RSRC1: variants seen among roughly 807,000 people sequenced by gnomAD.
RSRC1 encodes the protein serine/Arginine-related protein 53.
RSRC1 carries 39 observed loss-of-function variants against 49.1 expected under a neutral mutation model. That is an observed-to-expected ratio of 0.79 (90% CI 0.61 to 1.04). The LOEUF is 1.04. Ranked by LOEUF, RSRC1 falls within the 50% of genes least tolerant of loss-of-function variation. RSRC1 has a pLI of 0.00. For missense variants in RSRC1, 388 were observed against 402.4 expected (o/e 0.96, Z 0.31); for synonymous variants, 143 against 130.8 (o/e 1.09, Z -0.63).
intron 4 of RSRC1, among the ~76,000 whole-genome samples, chr3:158,287,795 A>G (rs1449607717): frequency 6.6e-6 from 1 of 152,192 alleles, no homozygotes; most frequent in Non-Finnish European, 1.5e-5. Context: ...GACATATTGA[A>G]GCTATTATCT....
intron 4 of RSRC1, among the ~76,000 whole-genome samples, chr3:158,211,638 G>C (rs994819015): frequency 3.3e-5 from 5 of 151,990 alleles, no homozygotes; most frequent in Admixed American, 2.0e-4. Context: ...AATATACCCG[G>C]TAGTCTTTTT....
At chr3:158,369,566 A>G (rs934198164) in intron 6 of RSRC1, among the ~76,000 whole-genome samples, 11 of 152,148 alleles carry the variant, frequency 7.2e-5, no homozygotes, top group Admixed American at 7.2e-4. Flanking sequence ...TTCTTTCATA[A>G]TAACATTTTT....
chr3:158,501,032 T>C (rs553526175), intron 7 of RSRC1, among the ~76,000 whole-genome samples: 2 of 152,288 alleles, frequency 1.3e-5, no homozygotes, highest in African/African-American at 4.8e-5. Flanking sequence ...GCCTTTGCTG[T>C]AGCCCAGAGG....
At chr3:158,257,850 T>G (rs1219325058) in intron 4 of RSRC1, among the ~76,000 whole-genome samples, 1 of 152,148 alleles carries the variant, frequency 6.6e-6, no homozygotes. Flanking sequence ...ATAATATAAC[T>G]CATTATTTTA....
chr3:158,217,522 A>G (rs1407169985), intron 4 of RSRC1, among the ~76,000 whole-genome samples: 4 of 151,648 alleles, frequency 2.6e-5, no homozygotes, highest in Non-Finnish European at 5.9e-5. Context: ...ATTCTAAATT[A>G]TGATGTTAGG....
Position 158,234,911 on chromosome 3 carries a change from C to CT in RSRC1, c.494+31671dup, listed in dbSNP as rs949685645. ...ATTCAGTCTCTGTAGACATTGAATA[C>CT]TTTTTAATGAAACCTCTGTTATAGA... On this transcript the variant is annotated intron_variant, in intron 4 of 9. Coordinates refer to ENST00000611884, the MANE Select transcript of RSRC1 (RefSeq NM_001271838.2). 2.6e-5 allele frequency among the ~76,000 whole-genome samples: 4 copies of CT among 152,146 alleles called. 1 individual carries two copies. The highest frequency in any genetic ancestry group is 6.8e-3 in the Middle Eastern group (2 of 294).
chr3:158,332,366 C>T (rs1018616627), intron 5 of RSRC1, among the ~76,000 whole-genome samples: 1 of 152,094 alleles, frequency 6.6e-6, no homozygotes, highest in African/African-American at 2.4e-5. Flanking sequence ...ATTACTTGAG[C>T]CAGTTATTGA....
chr3:158,242,255 A>G (rs957430665), intron 4 of RSRC1, among the ~76,000 whole-genome samples: 1 of 151,884 alleles, frequency 6.6e-6, no homozygotes, highest in African/African-American at 2.4e-5. Flanking sequence ...CCATGTGTCC[A>G]TGTATTCTCA....
intron 3 of RSRC1, among the ~76,000 whole-genome samples, chr3:158,193,334 C>G (rs1236360849): frequency 6.6e-6 from 1 of 151,860 alleles, no homozygotes; most frequent in African/African-American, 2.4e-5. Context: ...CATCTGGAAC[C>G]ACAAATGGTA....
chr3:158,360,506 T>C (rs1170938717), intron 6 of RSRC1, among the ~76,000 whole-genome samples: 1 of 152,146 alleles, frequency 6.6e-6, no homozygotes, highest in Non-Finnish European at 1.5e-5. Flanking sequence ...CACAGGCTGC[T>C]TGCAGTAAGG....
At chr3:158,487,433 T>C (rs1738857240) in intron 7 of RSRC1, among the ~76,000 whole-genome samples, 1 of 152,210 alleles carries the variant, frequency 6.6e-6, no homozygotes, top group African/African-American at 2.4e-5. Context: ...ATCTTACAAT[T>C]AACGTCATCT....
rs769358485 is a variant in RSRC1 at position 158,354,865 on chromosome 3, T to C, written c.540T>C (p.Ala180=). 5.8e-6 allele frequency: 9 copies of C among 1,555,962 alleles called. No individual in the cohort carries two copies. Among genetic ancestry groups the C allele is most frequent in the Non-Finnish European group, 6.9e-6 (8 of 1,153,298 alleles). The change falls in exon 6 of 10, where the codon GCT becomes GCC. Residue 180 remains alanine (A), a synonymous_variant. Coordinates refer to ENST00000611884, the MANE Select transcript of RSRC1 (RefSeq NM_001271838.2). ...TTTTTTTTCTTTTTTAGCCACCAGC[T>C]GAACAGGCCAAAGCCAGACTACAGC... ...IKAGLEHLPP[A]EQAKARLQLV...
chr3:158,407,518 T>C (rs1355234137), intron 6 of RSRC1, among the ~76,000 whole-genome samples: 1 of 152,122 alleles, frequency 6.6e-6, no homozygotes. Flanking sequence ...AAATAAAAAT[T>C]AAGATTTGCC....
chr3:158,300,320 A>G (rs1727470668), intron 5 of RSRC1, among the ~76,000 whole-genome samples: 1 of 152,206 alleles, frequency 6.6e-6, no homozygotes, highest in Non-Finnish European at 1.5e-5. Context: ...ACTGTGAACT[A>G]TTAACAATAT....
rs568514840 is a variant in RSRC1, at chr3:158,507,544, C to T, written c.653-29548C>T. Among the ~76,000 whole-genome samples, 52 of 152,032 alleles carry T rather than the reference C, an allele frequency of 3.4e-4. No homozygotes were observed. The Middle Eastern group carries it at 0.01, about 30-fold the overall frequency. On this transcript the variant is annotated intron_variant, in intron 7 of 9. Coordinates refer to ENST00000611884, the MANE Select transcript of RSRC1 (RefSeq NM_001271838.2). The stretch of plus-strand genomic sequence containing the variant: ...GTATTTTAAAAAATTGTTCAGGGCT[C>T]ACAGGGCAGGTTTTTATAGGTGATA...
chr3:158,504,826 A>C (rs1739779712), intron 7 of RSRC1, among the ~76,000 whole-genome samples: 1 of 152,244 alleles, frequency 6.6e-6, no homozygotes, highest in African/African-American at 2.4e-5. Flanking sequence ...GGATAAAGGA[A>C]ACCTTTTAAA....
At position 158,194,054 on chromosome 3, in the gene RSRC1, T is replaced by TACACACACACACAC. The variant is rs10530687; in HGVS notation, c.321-8982_321-8969dup. Among the ~76,000 whole-genome samples, 178 of 144,146 alleles carry TACACACACACACAC rather than the reference T, an allele frequency of 1.2e-3. 1 individual carries two copies. The highest frequency in any genetic ancestry group is 4.5e-3 in the African/African-American group (170 of 38,182). The allele number at this position is 144,146 out of a possible 152,430, so 94.6% of individuals were successfully genotyped here. A position where few individuals can be genotyped will look rare whatever the true frequency, so the allele number is the denominator to read the frequency against. ...GGGCAAAATAGTGAGACCCCGTCTA[T>TACACACACACACAC]ACACACACACACACACACACACACA... On this transcript the variant is annotated intron_variant, in intron 3 of 9. Transcript: ENST00000611884.
chr3:158,241,380 C>T (rs1431092351), intron 4 of RSRC1, among the ~76,000 whole-genome samples: 1 of 152,042 alleles, frequency 6.6e-6, no homozygotes, highest in Non-Finnish European at 1.5e-5. Flanking sequence ...ACCCAGGAGG[C>T]AGAAGCTGCA....
chr3:158,201,682 A>G (rs557392670), intron 3 of RSRC1, among the ~76,000 whole-genome samples: 80 of 152,236 alleles, frequency 5.3e-4, no homozygotes, highest in Non-Finnish European at 7.1e-4. Flanking sequence ...GTGTTTTTCA[A>G]TTACAGAATT....
Sources: gnomAD v4.1 joint callset for allele counts (sites outside exome capture counted in the v4.1 genomes callset) on GRCh38, gnomAD v4.1.1 for gene constraint, MANE v1.5 for transcripts, NCBI Gene and HGNC (gene_info 2026-07-23, HGNC 2026-07-21) for gene names.